The following KIF13B variants were observed in gnomAD, a reference collection of about 807,000 sequenced individuals.
KIF13B encodes kinesin family member 13B.
In KIF13B, 127 loss-of-function variants were observed where a neutral mutation model predicts 222.0. The ratio of observed to expected loss-of-function variants is 0.57; its 90% CI spans 0.50 to 0.66. The LOEUF (loss-of-function observed/expected upper bound fraction) is 0.66. KIF13B is among the 30% of genes least tolerant of loss of function. The pLI is 0.00. For synonymous variants in KIF13B, 976 were observed against 919.0 expected (o/e 1.06, Z -1.12); for missense variants, 2,173 against 2,379.0 (o/e 0.91, Z 1.80).
chr8:29,098,436 C>G (rs1305441982), intron 36 of KIF13B, among the ~76,000 whole-genome samples: 1 of 151,450 alleles, frequency 6.6e-6, no homozygotes, highest in Non-Finnish European at 1.5e-5. Flanking sequence ...AACCCCATCT[C>G]TACTAAAAAT....
chr8:29,201,085 G>A (rs927535447), intron 2 of KIF13B, among the ~76,000 whole-genome samples: 7 of 152,124 alleles, frequency 4.6e-5, no homozygotes, highest in African/African-American at 1.2e-4. Flanking sequence ...GTTTCTCATC[G>A]TCATACTTTC....
At chr8:29,114,562 A>T (rs1162006229) in intron 31 of KIF13B, among the ~76,000 whole-genome samples, 2 of 152,134 alleles carry the variant, frequency 1.3e-5, no homozygotes, top group East Asian at 3.9e-4. Context: ...TTCCATTTGT[A>T]TGGAATTAGT....
intron 20 of KIF13B, 27 bp downstream of exon 20, chr8:29,140,441 G>C (rs779356205): frequency 2.5e-6 from 4 of 1,606,022 alleles, no homozygotes; most frequent in Non-Finnish European, 3.4e-6. Context: ...TTCTCTACAG[G>C]AAACAAGGCA....
At chr8:29,108,261 G>C in intron 34 of KIF13B, 69 bp from the exon 35 acceptor site, 1 of 1,469,906 alleles carries the variant, frequency 6.8e-7, no homozygotes. Context: ...GGCAACGCCA[G>C]TCTTTGCCAA....
chr8:29,112,403 AACCTGGTG>A (rs1371636605), intron 32 of KIF13B, among the ~76,000 whole-genome samples: 6 of 150,486 alleles, frequency 4.0e-5, no homozygotes, highest in African/African-American at 1.5e-4. Context: ...ACTGCACTCC[AACCTGGTG>A]ACAGAGCGAG....
intron 32 of KIF13B, among the ~76,000 whole-genome samples, chr8:29,110,846 T>C (rs1216208851): frequency 6.6e-6 from 1 of 152,252 alleles, no homozygotes; most frequent in Non-Finnish European, 1.5e-5. Flanking sequence ...AATCAGATAC[T>C]TTATTCACTT....
chr8:29,202,133 C>A (rs770411462), intron 2 of KIF13B, among the ~76,000 whole-genome samples: 4 of 152,066 alleles, frequency 2.6e-5, no homozygotes, highest in Non-Finnish European at 5.9e-5. Flanking sequence ...GATTTGAAAA[C>A]TCTACCAGTG....
intron 13 of KIF13B, among the ~76,000 whole-genome samples, chr8:29,159,177 G>A (rs768634500): frequency 6.6e-6 from 1 of 151,958 alleles, no homozygotes; most frequent in African/African-American, 2.4e-5. Context: ...TTGAAACAGA[G>A]TCTTGCTCTG....
rs1807258598 is a variant in KIF13B at position 29,071,252 on chromosome 8, G to C, written c.5218+368C>G. The stretch of plus-strand genomic sequence containing the variant: ...AGAGGCCAGCGAGATGTGTCCGGAT[G>C]GGGTGAGGAAGAGCCTCCTGGAACG... On this transcript the variant is annotated intron_variant, in intron 39 of 39. Transcript: ENST00000524189. The surrounding 1 kb of genome is among the most constrained non-coding windows in gnomAD (Gnocchi z 4.9). 6.6e-6 allele frequency among the ~76,000 whole-genome samples: 1 copy of C among 152,172 alleles called. No homozygotes were observed. The highest frequency in any genetic ancestry group is 2.4e-5 in the African/African-American group (1 of 41,432).
chr8:29,258,526 T>C (rs1816568469), intron 1 of KIF13B, among the ~76,000 whole-genome samples: 1 of 152,156 alleles, frequency 6.6e-6, no homozygotes, highest in African/African-American at 2.4e-5. Flanking sequence ...CTTCCTGCAA[T>C]CCACCTGACC....
intron 14 of KIF13B, among the ~76,000 whole-genome samples, chr8:29,151,139 T>C (rs1008267125): frequency 2.0e-5 from 3 of 152,206 alleles, no homozygotes; most frequent in Non-Finnish European, 4.4e-5. Context: ...GAAAGTTCAG[T>C]GGTCTGGATG....
intron 1 of KIF13B, among the ~76,000 whole-genome samples, chr8:29,258,664 C>T (rs561342030): frequency 6.6e-6 from 1 of 152,268 alleles, no homozygotes; most frequent in African/African-American, 2.4e-5. Context: ...GCCATACTTC[C>T]TCCTCAAAGA....
At chr8:29,152,295 C>T (rs1432096640) in intron 14 of KIF13B, among the ~76,000 whole-genome samples, 2 of 152,150 alleles carry the variant, frequency 1.3e-5, no homozygotes, top group Non-Finnish European at 1.5e-5. Flanking sequence ...TTAGAATATT[C>T]CAGAAACTTA....
At chr8:29,163,487 G>A (rs73558592) in intron 12 of KIF13B, among the ~76,000 whole-genome samples, 4,375 of 152,202 alleles carry the variant, frequency 0.029, 203 homozygotes, top group African/African-American at 0.1. Flanking sequence ...CAGTTTGCCC[G>A]GAAATTGCCA....
Position 29,069,622 on chromosome 8 carries a change from C to T in KIF13B, c.*882G>A, listed in dbSNP as rs1053232410. The stretch of plus-strand genomic sequence containing the variant: ...CCTCTGCCGTCCCCAGGACCCTCCA[C>T]CTGGGCAGGAGGCCAGCAGCTCTGC... On this transcript the variant is annotated 3_prime_UTR_variant, in exon 40 of 40. Transcript: ENST00000524189. 6.6e-6 allele frequency: 1 copy of T among 152,306 alleles called. No homozygotes were observed. Among genetic ancestry groups the T allele is most frequent in the East Asian group, 1.9e-4 (1 of 5,194 alleles). 9.4% of individuals were successfully genotyped at this position (152,306 alleles called of 1,614,324 possible). A position where few individuals can be genotyped will look rare whatever the true frequency, so the allele number is the denominator to read the frequency against.
At chr8:29,257,342 T>A (rs1816521817) in intron 1 of KIF13B, among the ~76,000 whole-genome samples, 1 of 151,940 alleles carries the variant, frequency 6.6e-6, no homozygotes. Context: ...AGTTTTTGTT[T>A]TTTTTTTTAA....
intron 1 of KIF13B, among the ~76,000 whole-genome samples, chr8:29,249,416 C>A (rs2130669278): frequency 7.9e-6 from 1 of 126,720 alleles, no homozygotes; most frequent in East Asian, 2.2e-4. Context: ...GGCGACAGAG[C>A]AAGACTCCGT....
At chr8:29,235,217 T>C (rs1473822978) in intron 2 of KIF13B, among the ~76,000 whole-genome samples, 4 of 152,158 alleles carry the variant, frequency 2.6e-5, no homozygotes, top group East Asian at 1.9e-4. Flanking sequence ...ACACAAAAGA[T>C]TGTCGTCAAA....
Position 29,178,393 on chromosome 8 carries a change from A to C in KIF13B, c.721-815T>G, listed in dbSNP as rs182335547. Among the ~76,000 whole-genome samples, 480 of 152,208 alleles carry C rather than the reference A, an allele frequency of 3.2e-3. 2 individuals carry two copies. The highest frequency in any genetic ancestry group is 0.011 in the African/African-American group (455 of 41,542). On this transcript the variant is annotated intron_variant, in intron 8 of 39. Coordinates refer to ENST00000524189, the MANE Select transcript of KIF13B (RefSeq NM_015254.4). ...TCCATTTCATGTCAGGTGTTATTAG[A>C]TTTACATCTTTTTCTAATTAAGATA... is the stretch of plus-strand genomic sequence containing the variant.
Sources: gnomAD v4.1 joint callset for allele counts (sites outside exome capture counted in the v4.1 genomes callset) on GRCh38, gnomAD v4.1.1 for gene constraint, Gnocchi (gnomAD v3.1) non-coding constraint, MANE v1.5 for transcripts, NCBI Gene and HGNC (gene_info 2026-07-23, HGNC 2026-07-21) for gene names.